Variants in PDS5A observed in about 807,000 individuals in gnomAD.
PDS5A encodes the protein sister chromatid cohesion protein PDS5 homolog A.
In PDS5A, 42 loss-of-function variants were observed where a neutral mutation model predicts 167.1. The observed-to-expected ratio is 0.25, with a 90% CI of 0.20 to 0.33. The LOEUF is 0.33. Ranked by LOEUF, PDS5A falls within the 10% of genes least tolerant of loss-of-function variation. The probability of loss-of-function intolerance (pLI) is 1.00; values close to 1 mark genes in which losing one functional copy is unlikely to be tolerated. For synonymous variants in PDS5A, 553 were observed against 554.6 expected (o/e 1.00, Z 0.04); for missense variants, 1,033 against 1,605.9 (o/e 0.64, Z 6.10).
At position 39,926,758 on chromosome 4, in the gene PDS5A, A is replaced by AG; in HGVS notation, c.429+16dup. On this transcript the variant is annotated intron_variant, in intron 4 of 32. Transcript: ENST00000303538. Reference sequence around the variant, plus strand: ...GTGAAATAATGTTAATAGTTATTAAAGTTTTTTTTTTTTTACCTCTAATAA... The same window carrying AG: ...GTGAAATAATGTTAATAGTTATTAAAGGTTTTTTTTTTTTTACCTCTAATAA... 7 of 1,230,940 alleles carry AG rather than the reference A, an allele frequency of 5.7e-6. No individual in the cohort carries two copies. Among genetic ancestry groups the AG allele is most frequent in the Non-Finnish European group, 6.5e-6 (6 of 917,180 alleles). 76.3% of individuals were successfully genotyped at this position (1,230,940 alleles called of 1,614,324 possible).
intron 7 of PDS5A, among the ~76,000 whole-genome samples, chr4:39,919,140 A>C (rs747772420): frequency 6.6e-6 from 1 of 152,206 alleles, no homozygotes; most frequent in Non-Finnish European, 1.5e-5. Flanking sequence ...ATAACATTTA[A>C]ATTAAAAGCC....
chr4:39,866,104 A>G (rs1023735309), intron 23 of PDS5A, among the ~76,000 whole-genome samples: 1 of 152,042 alleles, frequency 6.6e-6, no homozygotes, highest in Non-Finnish European at 1.5e-5. Context: ...TGCCATTGCA[A>G]TTTTTATTTT....
At chr4:39,945,385 C>T (rs1188638215) in intron 2 of PDS5A, among the ~76,000 whole-genome samples, 7 of 146,028 alleles carry the variant, frequency 4.8e-5, no homozygotes, top group East Asian at 4.1e-4. Flanking sequence ...GGCATGAACC[C>T]GGGAAGTGGA....
At chr4:39,893,807 A>C (rs1304727802) in intron 16 of PDS5A, among the ~76,000 whole-genome samples, 1 of 152,168 alleles carries the variant, frequency 6.6e-6, no homozygotes, top group Admixed American at 6.5e-5. Flanking sequence ...ACACAATGCT[A>C]ATATAAGAGC....
chr4:39,956,420 G>A (rs1445413892), intron 2 of PDS5A, among the ~76,000 whole-genome samples: 1 of 150,716 alleles, frequency 6.6e-6, no homozygotes, highest in Non-Finnish European at 1.5e-5. Flanking sequence ...TTGAACCCAG[G>A]AGGCAGAAGT....
intron 21 of PDS5A, among the ~76,000 whole-genome samples, chr4:39,869,686 T>C (rs887656716): frequency 2.6e-4 from 39 of 152,288 alleles, no homozygotes; most frequent in African/African-American, 1.4e-4. Flanking sequence ...CTGGCAAGGA[T>C]AGACATATAG....
intron 2 of PDS5A, among the ~76,000 whole-genome samples, chr4:39,932,028 A>G (rs943197369): frequency 1.3e-5 from 2 of 151,926 alleles, no homozygotes; most frequent in Non-Finnish European, 2.9e-5. Context: ...AGTAGCTGGG[A>G]ACTACAGGCA....
chr4:39,961,888 C>A (rs1729510161), intron 2 of PDS5A, among the ~76,000 whole-genome samples: 1 of 152,146 alleles, frequency 6.6e-6, no homozygotes, highest in East Asian at 1.9e-4. Flanking sequence ...TTACTTACTT[C>A]ATATATGGTT....
chr4:39,908,408 G>A lies in PDS5A; in HGVS notation c.1220C>T (p.Thr407Ile), dbSNP rs773729057. 8 of 1,613,078 alleles carry A rather than the reference G, an allele frequency of 5.0e-6. No homozygotes were observed. The highest frequency in any genetic ancestry group is 6.8e-6 in the Non-Finnish European group (8 of 1,179,228). Residue 407 changes from threonine to isoleucine, a missense_variant, in exon 11 of 33, where the codon ACA becomes ATA. Physicochemically the swap from Thr to Ile is moderately conservative, Grantham distance 89. Around this residue, in one of 4 missense-constraint regions of PDS5A, gnomAD observed 388 missense variants for 615.1 expected, o/e 0.63. Coordinates refer to ENST00000303538, the MANE Select transcript of PDS5A (RefSeq NM_001100399.2). ...DQLLGFVRERTLDKRWRVRKE... is the reference protein window; with the variant it reads ...DQLLGFVRERILDKRWRVRKE... The stretch of plus-strand genomic sequence containing the variant: ...CTCAGATTTTACCCGTTTATCCAGT[G>A]TTCTTTCCCTTACAAAGCCAAGCAG...
chr4:39,914,823 T>TA (rs1724210118), intron 8 of PDS5A, among the ~76,000 whole-genome samples: 2 of 152,130 alleles, frequency 1.3e-5, no homozygotes, highest in Non-Finnish European at 2.9e-5. Flanking sequence ...TCAAATATAA[T>TA]ATGTGCCTAA....
intron 9 of PDS5A, among the ~76,000 whole-genome samples, chr4:39,910,734 C>T (rs1289171199): frequency 6.6e-6 from 1 of 152,150 alleles, no homozygotes; most frequent in Non-Finnish European, 1.5e-5. Flanking sequence ...GTGGCTGACA[C>T]CTGTAATCAC....
At chr4:39,859,920 G>A (rs2109539750) in intron 26 of PDS5A, among the ~76,000 whole-genome samples, 1 of 152,312 alleles carries the variant, frequency 6.6e-6, no homozygotes, top group Non-Finnish European at 1.5e-5. Flanking sequence ...CCATGTTGAA[G>A]CTACTATGGA....
intron 32 of PDS5A, among the ~76,000 whole-genome samples, chr4:39,832,946 A>G (rs1470716651): frequency 1.3e-5 from 2 of 151,996 alleles, no homozygotes; most frequent in African/African-American, 4.8e-5. Context: ...ACCTGAGGTC[A>G]GGAGTTCAAG....
In PDS5A at chr4:39,917,040, A is replaced by C. The variant is rs1389554343; in HGVS notation, c.876+8T>G. Reference sequence around the variant, plus strand: ...TAAAAAAAAAAAAAGAAAACTGGTCAATCTTACCTTTAGTTTGAATTCAAG... The same window carrying C: ...TAAAAAAAAAAAAAGAAAACTGGTCCATCTTACCTTTAGTTTGAATTCAAG... On this transcript the variant is annotated splice_region_variant and intron_variant, in intron 8 of 32. Transcript: ENST00000303538. The C allele has an allele frequency of 1.4e-6, 2 of 1,432,874 alleles. No individual in the cohort carries two copies. The highest frequency in any genetic ancestry group is 3.0e-5 in the African/African-American group (2 of 66,560). The allele number at this position is 1,432,874 out of a possible 1,614,324, so 88.8% of individuals were successfully genotyped here.
intron 2 of PDS5A, among the ~76,000 whole-genome samples, chr4:39,928,404 A>G (rs531630035): frequency 3.3e-4 from 51 of 152,242 alleles, no homozygotes; most frequent in Non-Finnish European, 7.2e-4. Context: ...CTGCACTAGT[A>G]CCTCATTTAT....
At chr4:39,916,984 T>C in intron 8 of PDS5A, 64 bp downstream of exon 8, 4 of 997,272 alleles carry the variant, frequency 4.0e-6, no homozygotes, top group Non-Finnish European at 5.5e-6. Context: ...TGGTCAATTT[T>C]ACATTGTGCC....
chr4:39,939,425 C>T (rs1727006076), intron 2 of PDS5A, among the ~76,000 whole-genome samples: 1 of 152,166 alleles, frequency 6.6e-6, no homozygotes, highest in Non-Finnish European at 1.5e-5. Context: ...TCTGATCACA[C>T]CACTGCAGTC....
At chr4:39,964,764 GC>G (rs1286602700) in intron 2 of PDS5A, among the ~76,000 whole-genome samples, 1 of 151,866 alleles carries the variant, frequency 6.6e-6, no homozygotes, top group Non-Finnish European at 1.5e-5. Flanking sequence ...TGGGAGACCA[GC>G]CTGGCCAACA....
rs1371150869 is a variant in PDS5A at position 39,940,343 on chromosome 4, A to C, written c.139-12179T>G. On this transcript the variant is annotated intron_variant, in intron 2 of 32. Coordinates refer to ENST00000303538, the MANE Select transcript of PDS5A (RefSeq NM_001100399.2). ...ATGGAGGAATTACGAATGAAGGAAG[A>C]AGCTTATGATTGAGGGGAACACACA... 3.3e-5 allele frequency among the ~76,000 whole-genome samples: 5 copies of C among 152,018 alleles called. No homozygotes were observed. In the East Asian group the frequency reaches 7.7e-4, roughly 23 times the overall value.
Sources: gnomAD v4.1 joint callset for allele counts (sites outside exome capture counted in the v4.1 genomes callset) on GRCh38, gnomAD v4.1.1 for gene constraint, gnomAD v4.1.1 regional missense constraint, MANE v1.5 for transcripts, NCBI Gene and HGNC (gene_info 2026-07-23, HGNC 2026-07-21) for gene names.